The following EPHA7 variants were observed in gnomAD, a reference collection of about 807,000 sequenced individuals.
EPHA7 encodes EPH receptor A7, also known as ephrin type-A receptor 7.
A neutral mutation model predicts 112.6 loss-of-function variants in EPHA7; 25 were observed. The observed-to-expected ratio is 0.22, with a 90% CI of 0.16 to 0.31. The LOEUF (loss-of-function observed/expected upper bound fraction) is 0.31. EPHA7 is among the 10% of genes least tolerant of loss of function. The probability of loss-of-function intolerance (pLI) is 1.00; values close to 1 mark genes in which losing one functional copy is unlikely to be tolerated. For synonymous variants in EPHA7, 437 were observed against 406.5 expected (o/e 1.07, Z -0.90); for missense variants, 962 against 1,212.6 (o/e 0.79, Z 3.07).
At chr6:93,347,938 A>G (rs1775482789) in intron 5 of EPHA7, among the ~76,000 whole-genome samples, 1 of 151,882 alleles carries the variant, frequency 6.6e-6, no homozygotes, top group South Asian at 2.1e-4. Context: ...CAATTCAAAG[A>G]TCAAATAATT....
intron 3 of EPHA7, among the ~76,000 whole-genome samples, chr6:93,408,423 T>C (rs759254661): frequency 1.8e-4 from 27 of 152,214 alleles, no homozygotes; most frequent in Admixed American, 3.9e-4. Context: ...CCCAGTGGAA[T>C]AGCATTTTGC....
At chr6:93,419,024 T>C (rs1368864709) in intron 1 of EPHA7, among the ~76,000 whole-genome samples, 2 of 152,012 alleles carry the variant, frequency 1.3e-5, no homozygotes, top group African/African-American at 4.8e-5. Flanking sequence ...ACCCGTCGGA[T>C]GGACGGCTCC....
intron 5 of EPHA7, among the ~76,000 whole-genome samples, chr6:93,322,581 C>T (rs1774129230): frequency 6.6e-6 from 1 of 151,422 alleles, no homozygotes; most frequent in Non-Finnish European, 1.5e-5. Context: ...CTCTTCCCAG[C>T]TTTAGTTTTT....
At chr6:93,280,872 C>A (rs150922251) in intron 5 of EPHA7, among the ~76,000 whole-genome samples, 1 of 151,946 alleles carries the variant, frequency 6.6e-6, no homozygotes, top group East Asian at 1.9e-4. Context: ...TTACTGATAC[C>A]TGGGACACCT....
intron 6 of EPHA7, among the ~76,000 whole-genome samples, chr6:93,271,473 A>C (rs1441832711): frequency 6.6e-6 from 1 of 151,838 alleles, no homozygotes; most frequent in African/African-American, 2.4e-5. Context: ...AGTAACACTT[A>C]TTACTGTTAC....
chr6:93,283,576 A>G (rs1771887868), intron 5 of EPHA7, among the ~76,000 whole-genome samples: 1 of 152,084 alleles, frequency 6.6e-6, no homozygotes, highest in Admixed American at 6.6e-5. Flanking sequence ...GAAGGAACGA[A>G]CAACTCCAGA....
intron 5 of EPHA7, among the ~76,000 whole-genome samples, chr6:93,332,060 G>A (rs1378469829): frequency 2.6e-5 from 4 of 151,594 alleles, no homozygotes; most frequent in South Asian, 2.1e-4. Context: ...CTGATATCAC[G>A]GGAAACAGGT....
At chr6:93,284,947 T>C (rs1400088281) in intron 5 of EPHA7, among the ~76,000 whole-genome samples, 4 of 152,104 alleles carry the variant, frequency 2.6e-5, no homozygotes, top group African/African-American at 7.2e-5. Context: ...TATACCTATG[T>C]AACAAACCTG....
chr6:93,361,704 C>T (rs1776270215), intron 3 of EPHA7, among the ~76,000 whole-genome samples: 1 of 151,986 alleles, frequency 6.6e-6, no homozygotes, highest in Admixed American at 6.6e-5. Context: ...CTTAAATTCC[C>T]TTCATACATA....
chr6:93,300,187 C>T (rs1772907400), intron 5 of EPHA7, among the ~76,000 whole-genome samples: 1 of 152,072 alleles, frequency 6.6e-6, no homozygotes, highest in South Asian at 2.1e-4. Flanking sequence ...ACGTGAGAAG[C>T]ACCAGTAACA....
At chr6:93,253,587 G>A (rs908666147) in intron 14 of EPHA7, among the ~76,000 whole-genome samples, 2 of 151,990 alleles carry the variant, frequency 1.3e-5, no homozygotes, top group Non-Finnish European at 2.9e-5. Flanking sequence ...AGACTCCTCT[G>A]AAAACTCCTT....
At chr6:93,405,813 G>GTATATATATATATATATATATA (rs60882775) in intron 3 of EPHA7, among the ~76,000 whole-genome samples, 1 of 73,998 alleles carries the variant, frequency 1.4e-5, no homozygotes. Flanking sequence ...GTGTGTGTGT[G>GTATATATATATATATATATATA]TATATATATA....
chr6:93,316,397 A>G (rs1022293934), intron 5 of EPHA7, among the ~76,000 whole-genome samples: 1 of 152,162 alleles, frequency 6.6e-6, no homozygotes, highest in African/African-American at 2.4e-5. Context: ...TTGTAGAATC[A>G]ACCTGAAAAT....
chr6:93,282,072 T>C (rs1411669811), intron 5 of EPHA7, among the ~76,000 whole-genome samples: 1 of 152,144 alleles, frequency 6.6e-6, no homozygotes, highest in Non-Finnish European at 1.5e-5. Flanking sequence ...GTTTATAACG[T>C]TGTCATGTAC....
Position 93,287,974 on chromosome 6 carries a change from C to T in EPHA7, c.1325-15552G>A, listed in dbSNP as rs1054113389. On this transcript the variant is annotated intron_variant, in intron 5 of 16. Transcript: ENST00000369303. ...GAATTTGAAAATAGAATTCTTTATACGTTGTTGGTAGAAATGCAAAGTGGT... is the reference window on the plus strand; with the variant it reads ...GAATTTGAAAATAGAATTCTTTATATGTTGTTGGTAGAAATGCAAAGTGGT... Among the ~76,000 whole-genome samples, 12 of 152,152 alleles carry T rather than the reference C, an allele frequency of 7.9e-5. No individual in the cohort carries two copies. In the South Asian group the frequency reaches 1.0e-3, roughly 13 times the overall value.
chr6:93,396,587 T>C (rs568251291), intron 3 of EPHA7, among the ~76,000 whole-genome samples: 1 of 151,976 alleles, frequency 6.6e-6, no homozygotes, highest in Non-Finnish European at 1.5e-5. Context: ...CAAATTCCAC[T>C]TTTCAAAAAC....
chr6:93,320,981 T>C (rs1019314562), intron 5 of EPHA7, among the ~76,000 whole-genome samples: 11 of 151,960 alleles, frequency 7.2e-5, no homozygotes, highest in African/African-American at 2.7e-4. Flanking sequence ...CATGTAATAA[T>C]TGCTAAATAA....
intron 12 of EPHA7, 118 bp from the exon 13 acceptor site, chr6:93,256,155 T>C (rs1297304153): frequency 2.5e-6 from 2 of 809,678 alleles, no homozygotes; most frequent in Non-Finnish European, 3.8e-6. Flanking sequence ...ATTGTTAATT[T>C]TTTATATAAT....
chr6:93,324,863 G>A (rs1359631423), intron 5 of EPHA7, among the ~76,000 whole-genome samples: 1 of 151,504 alleles, frequency 6.6e-6, no homozygotes, highest in Non-Finnish European at 1.5e-5. Context: ...TGTATTCATA[G>A]TAAGAATAGA....
Sources: gnomAD v4.1 joint callset for allele counts (sites outside exome capture counted in the v4.1 genomes callset) on GRCh38, gnomAD v4.1.1 for gene constraint, MANE v1.5 for transcripts, NCBI Gene and HGNC (gene_info 2026-07-23, HGNC 2026-07-21) for gene names.